RAD51B: variants seen among roughly 807,000 people sequenced by gnomAD.
RAD51B encodes the protein RAD51 paralog B, also known as DNA repair protein RAD51 homolog 2.
A neutral mutation model predicts 42.2 loss-of-function variants in RAD51B; 38 were observed. The observed-to-expected ratio is 0.90, with a 90% confidence interval of 0.70 to 1.18. RAD51B has a LOEUF of 1.18. RAD51B is among the 50% of genes most tolerant of loss of function. The probability of loss-of-function intolerance (pLI) is 0.00; values close to 1 mark genes in which losing one functional copy is unlikely to be tolerated. For missense variants in RAD51B, 373 were observed against 400.7 expected (o/e 0.93, Z 0.59); for synonymous variants, 154 against 145.2 (o/e 1.06, Z -0.43).
At chr14:68,484,108 A>T (rs1163571449) in intron 10 of RAD51B, among the ~76,000 whole-genome samples, 2 of 152,180 alleles carry the variant, frequency 1.3e-5, no homozygotes, top group Admixed American at 1.3e-4. Context: ...CAGGTCTCAA[A>T]CATAGACTTC....
chr14:68,494,279 CAAAAAAA>C (rs3074525), intron 10 of RAD51B, among the ~76,000 whole-genome samples: 1 of 123,072 alleles, frequency 8.1e-6, no homozygotes, highest in Admixed American at 8.7e-5. Flanking sequence ...GATTCCGTCT[CAAAAAAA>C]AAAAAAAAAA....
chr14:68,299,011 G>A (rs1024227789), intron 8 of RAD51B, among the ~76,000 whole-genome samples: 27 of 151,944 alleles, frequency 1.8e-4, no homozygotes, highest in Non-Finnish European at 2.5e-4. Context: ...GTTGAGTTCC[G>A]AACTAGTTTC....
At chr14:67,869,800 G>T (rs201075896) in intron 5 of RAD51B, among the ~76,000 whole-genome samples, 2 of 152,138 alleles carry the variant, frequency 1.3e-5, no homozygotes, top group East Asian at 1.9e-4. Context: ...TTAAAGAAAA[G>T]AATTTTCAAC....
At chr14:68,595,042 C>T in exon 11 of RAD51B, 4 of 1,074,692 alleles carry the variant, frequency 3.7e-6, no homozygotes, top group Non-Finnish European at 4.5e-6. Context: ...CCCAGTTTCT[C>T]CACTGAGTAT....
chr14:68,037,954 A>T (rs2076160098), intron 7 of RAD51B, among the ~76,000 whole-genome samples: 1 of 152,254 alleles, frequency 6.6e-6, no homozygotes, highest in African/African-American at 2.4e-5. Flanking sequence ...AAGGGAAGGT[A>T]GTTGAATGTT....
At chr14:68,528,230 A>G (rs890913808) in intron 10 of RAD51B, among the ~76,000 whole-genome samples, 2 of 152,244 alleles carry the variant, frequency 1.3e-5, no homozygotes, top group African/African-American at 4.8e-5. Context: ...GAAAAACTTC[A>G]GCCATTGAGA....
At chr14:68,265,952 C>A (rs1210298109) in intron 7 of RAD51B, among the ~76,000 whole-genome samples, 2 of 152,074 alleles carry the variant, frequency 1.3e-5, no homozygotes, top group Non-Finnish European at 2.9e-5. Flanking sequence ...TGGAAATGGA[C>A]ATTTAATAAG....
chr14:68,448,838 G>GTT (rs1227232525), intron 9 of RAD51B, among the ~76,000 whole-genome samples: 40 of 151,966 alleles, frequency 2.6e-4, no homozygotes, highest in Non-Finnish European at 4.7e-4. Flanking sequence ...GAGAGGGGAT[G>GTT]TTTTTGTTTG....
chr14:68,257,849 TGCTTTTAAAATGGTAGAG>T (rs932321013), intron 7 of RAD51B, among the ~76,000 whole-genome samples: 15 of 152,210 alleles, frequency 9.9e-5, no homozygotes, highest in African/African-American at 3.6e-4. Context: ...CCATAACCCA[TGCTTTTAAAATGGTAGAG>T]AACCACAATA....
chr14:68,266,425 A>AC (rs1015761667), intron 7 of RAD51B, among the ~76,000 whole-genome samples: 1 of 152,084 alleles, frequency 6.6e-6, no homozygotes, highest in Non-Finnish European at 1.5e-5. Context: ...ATAGGGTAGG[A>AC]CCCCTCTGGA....
intron 7 of RAD51B, among the ~76,000 whole-genome samples, chr14:67,986,965 C>T (rs111694900): frequency 0.035 from 5,371 of 152,314 alleles, 346 homozygotes; most frequent in African/African-American, 0.12. Context: ...CTCCTGACCT[C>T]GGGTGATCCA....
chr14:68,266,613 T>C (rs1713388827), intron 7 of RAD51B, among the ~76,000 whole-genome samples: 1 of 152,234 alleles, frequency 6.6e-6, no homozygotes, highest in African/African-American at 2.4e-5. Flanking sequence ...GGTATCCTGT[T>C]CTAAGCCCCA....
chr14:68,302,216 T>C (rs1198302547), intron 8 of RAD51B, among the ~76,000 whole-genome samples: 1 of 152,102 alleles, frequency 6.6e-6, no homozygotes, highest in African/African-American at 2.4e-5. Context: ...TTGGGACACA[T>C]AGACAAATGC....
At chr14:68,510,250 C>A (rs981997430) in intron 10 of RAD51B, among the ~76,000 whole-genome samples, 1 of 152,186 alleles carries the variant, frequency 6.6e-6, no homozygotes, top group Non-Finnish European at 1.5e-5. Flanking sequence ...GTCTCTGATT[C>A]ATGCAGATTA....
At chr14:67,965,028 G>T (rs1241554898) in intron 7 of RAD51B, among the ~76,000 whole-genome samples, 1 of 152,166 alleles carries the variant, frequency 6.6e-6, no homozygotes, top group Non-Finnish European at 1.5e-5. Flanking sequence ...TGAATTAAAT[G>T]CACATGGTAT....
At chr14:67,989,938 C>T (rs2075265449) in intron 7 of RAD51B, among the ~76,000 whole-genome samples, 1 of 146,756 alleles carries the variant, frequency 6.8e-6, no homozygotes, top group African/African-American at 2.5e-5. Context: ...GGGGAAATTA[C>T]AAATTATTCT....
chr14:68,088,659 G>A (rs964300002), intron 7 of RAD51B, among the ~76,000 whole-genome samples: 1 of 140,484 alleles, frequency 7.1e-6, no homozygotes, highest in Non-Finnish European at 1.6e-5. Context: ...AGAGAGGTGG[G>A]GGGGAGATTG....
intron 7 of RAD51B, among the ~76,000 whole-genome samples, chr14:67,949,512 A>C (rs1328168045): frequency 6.6e-6 from 1 of 152,182 alleles, no homozygotes; most frequent in Non-Finnish European, 1.5e-5. Flanking sequence ...TATCACATCT[A>C]CAGTTATTTC....
At chr14:67,918,193 C>CAG (rs141532274) in intron 7 of RAD51B, among the ~76,000 whole-genome samples, 230 of 151,682 alleles carry the variant, frequency 1.5e-3, no homozygotes, top group Middle Eastern at 3.4e-3. Flanking sequence ...AAAAGATTTT[C>CAG]AGAGAGAGAG....
Sources: allele counts gnomAD v4.1 joint callset (sites outside exome capture counted in the v4.1 genomes callset), GRCh38; gene constraint gnomAD v4.1.1; transcripts MANE v1.5; gene names NCBI Gene and HGNC (gene_info 2026-07-23, HGNC 2026-07-21).